The following AKAP6 variants were observed in gnomAD, a reference collection of about 807,000 sequenced individuals.
The protein encoded by AKAP6 is A-kinase anchoring protein 6, also known as A-kinase anchor protein 6.
Under a neutral mutation model 188.5 loss-of-function variants are expected in AKAP6, and 58 were observed. The ratio of observed to expected loss-of-function variants is 0.31; its 90% confidence interval spans 0.25 to 0.38. AKAP6 has a LOEUF of 0.38. Among genes scored for constraint, AKAP6 ranks in the 10% least tolerant of loss-of-function variants. The pLI is 1.00. For missense variants in AKAP6, 2,710 were observed against 2,740.0 expected, an observed-to-expected ratio of 0.99 and a Z score of 0.24; for synonymous variants, 989 against 998.6, an observed-to-expected ratio of 0.99 and a Z score of 0.18.
intron 2 of AKAP6, among the ~76,000 whole-genome samples, chr14:32,510,462 G>GTATA (rs764358765): frequency 3.0e-5 from 2 of 67,468 alleles, no homozygotes; most frequent in African/African-American, 1.2e-4. Context: ...ATATATATGT[G>GTATA]TATATATATA....
Position 32,824,503 on chromosome 14 carries a change from T to A in AKAP6, c.6690T>A (p.Gly2230=). 1 of 1,613,970 alleles carries A rather than the reference T, an allele frequency of 6.2e-7. No homozygotes were observed. The highest frequency in any genetic ancestry group is 8.5e-7 in the Non-Finnish European group (1 of 1,179,974). Residue 2230 remains glycine (G), a synonymous_variant, in exon 13 of 14, where the codon GGT becomes GGA. Coordinates refer to ENST00000280979, the MANE Select transcript of AKAP6 (RefSeq NM_004274.5). ...CTGAGGTTGGAAAGGAAGTGAATGG[T>A]TTGCCCCAAACTTCCAGTGGCTGTG... ...ERAEVGKEVN[G]LPQTSSGCAE... is the part of the protein sequence containing the mutation.
intron 7 of AKAP6, among the ~76,000 whole-genome samples, chr14:32,663,289 A>G (rs1175040394): frequency 6.6e-6 from 1 of 152,080 alleles, no homozygotes; most frequent in Non-Finnish European, 1.5e-5. Context: ...GGATTTTAAA[A>G]ATAGTATCTT....
At chr14:32,751,026 A>G (rs12881260) in intron 11 of AKAP6, among the ~76,000 whole-genome samples, 105,814 of 151,934 alleles carry the variant, frequency 0.7, 38,584 homozygotes, top group East Asian at 0.8. Flanking sequence ...GAGCCACCGC[A>G]CCCAGCCTGT....
At chr14:32,661,851 C>A (rs1347268676) in intron 7 of AKAP6, among the ~76,000 whole-genome samples, 1 of 152,128 alleles carries the variant, frequency 6.6e-6, no homozygotes, top group East Asian at 1.9e-4. Flanking sequence ...ACCTGATCTA[C>A]CTGTGCATAG....
chr14:32,455,874 C>T (rs1891129860), intron 2 of AKAP6, among the ~76,000 whole-genome samples: 1 of 152,116 alleles, frequency 6.6e-6, no homozygotes, highest in Admixed American at 6.6e-5. Context: ...AAACAAATGA[C>T]TGAATTTACT....
chr14:32,535,507 G>A, intron 2 of AKAP6, 47 bp from the exon 3 acceptor site: 1 of 1,579,564 alleles, frequency 6.3e-7, no homozygotes, highest in East Asian at 2.3e-5. Flanking sequence ...CCTCCCTCCA[G>A]GATAAGGCAA....
At chr14:32,540,168 CTATATATA>C (rs61668961) in intron 3 of AKAP6, among the ~76,000 whole-genome samples, 11 of 60,954 alleles carry the variant, frequency 1.8e-4, no homozygotes, top group South Asian at 6.0e-4. Context: ...CTCTCTCTCT[CTATATATA>C]TATATATATA....
chr14:32,522,692 A>C (rs1278570571), intron 2 of AKAP6, among the ~76,000 whole-genome samples: 5 of 152,204 alleles, frequency 3.3e-5, no homozygotes, highest in African/African-American at 1.2e-4. Context: ...AGGAAACAAC[A>C]GGTGCTGGAG....
chr14:32,408,782 A>G (rs973401326), intron 1 of AKAP6, among the ~76,000 whole-genome samples: 5 of 152,030 alleles, frequency 3.3e-5, no homozygotes, highest in African/African-American at 1.2e-4. Flanking sequence ...AGGAATGTAG[A>G]TCATGGTTTG....
chr14:32,578,520 A>T (rs928492702), intron 5 of AKAP6, among the ~76,000 whole-genome samples: 3 of 152,044 alleles, frequency 2.0e-5, no homozygotes, highest in African/African-American at 7.2e-5. Context: ...ACTTTTTTTT[A>T]AAGAGGGCAT....
At chr14:32,525,167 G>C (rs1381511305) in intron 2 of AKAP6, among the ~76,000 whole-genome samples, 1 of 152,146 alleles carries the variant, frequency 6.6e-6, no homozygotes, top group East Asian at 1.9e-4. Context: ...AATACTGAAT[G>C]CAAGAATGAC....
chr14:32,695,963 A>G (rs112929295), intron 8 of AKAP6, 27 bp from the exon 9 acceptor site: 2 of 1,607,498 alleles, frequency 1.2e-6, no homozygotes, highest in South Asian at 1.1e-5. Flanking sequence ...GTATTTATGC[A>G]TACTACATTT....
chr14:32,753,332 T>C (rs113677186), intron 11 of AKAP6, among the ~76,000 whole-genome samples: 7 of 152,252 alleles, frequency 4.6e-5, no homozygotes, highest in African/African-American at 1.7e-4. Context: ...ACCTGTCTTC[T>C]GTTGAGAAAT....
At position 32,821,279 on chromosome 14, in the gene AKAP6, T is replaced by C; in HGVS notation, c.3589-123T>C. 2.9e-6 allele frequency: 3 copies of C among 1,018,040 alleles called. No individual in the cohort carries two copies. In the South Asian group the frequency reaches 5.3e-5, roughly 18 times the overall value. The allele number at this position is 1,018,040 out of a possible 1,614,324, so 63.1% of individuals were successfully genotyped here. ...AGGAATAGAGTTGATAATTAGGCCG[T>C]CTTTCAAGTCCATGCTTGGGGCAGT... On this transcript the variant is annotated intron_variant, in intron 12 of 13. Transcript: ENST00000280979.
chr14:32,404,210 C>G (rs1163437668), intron 1 of AKAP6, among the ~76,000 whole-genome samples: 2 of 152,042 alleles, frequency 1.3e-5, no homozygotes, highest in African/African-American at 4.8e-5. Flanking sequence ...AAATGAAATG[C>G]AAAGGATTCT....
At chr14:32,795,025 G>C (rs1165233652) in intron 12 of AKAP6, among the ~76,000 whole-genome samples, 2 of 151,982 alleles carry the variant, frequency 1.3e-5, no homozygotes, top group African/African-American at 4.8e-5. Flanking sequence ...ACATAAACTA[G>C]AAATCTAGAA....
chr14:32,797,309 C>T (rs142011749), intron 12 of AKAP6, among the ~76,000 whole-genome samples: 2,913 of 151,810 alleles, frequency 0.019, 39 homozygotes, highest in Middle Eastern at 0.024. Context: ...AAGATACATG[C>T]ATGCATATAT....
At chr14:32,757,168 C>T (rs1224579154) in intron 11 of AKAP6, among the ~76,000 whole-genome samples, 1 of 152,160 alleles carries the variant, frequency 6.6e-6, no homozygotes, top group African/African-American at 2.4e-5. Context: ...CTTTTCAATA[C>T]ATCTTTTCTT....
At chr14:32,724,600 A>G (rs933612851) in intron 9 of AKAP6, among the ~76,000 whole-genome samples, 6 of 152,186 alleles carry the variant, frequency 3.9e-5, no homozygotes, top group Admixed American at 6.5e-5. Flanking sequence ...TTGACACTCA[A>G]TTAAAATTTC....
Sources: gnomAD v4.1 joint callset for allele counts (sites outside exome capture counted in the v4.1 genomes callset) on GRCh38, gnomAD v4.1.1 for gene constraint, MANE v1.5 for transcripts, NCBI Gene and HGNC (gene_info 2026-07-23, HGNC 2026-07-21) for gene names.